VWA3A: variants seen among roughly 807,000 people sequenced by gnomAD.
The protein encoded by VWA3A is von Willebrand factor A domain containing 3A, also known as von Willebrand factor A domain-containing protein 3A.
Under a neutral mutation model 160.4 loss-of-function variants are expected in VWA3A, and 134 were observed. That is an observed-to-expected ratio of 0.84 (90% CI 0.73 to 0.96). VWA3A has a LOEUF of 0.96. VWA3A is among the 40% of genes least tolerant of loss of function. The probability of loss-of-function intolerance (pLI) is 0.00; values close to 1 mark genes in which losing one functional copy is unlikely to be tolerated. For missense variants in VWA3A, 1,310 were observed against 1,447.9 expected (o/e 0.90, Z 1.55); for synonymous variants, 476 against 543.4 (o/e 0.88, Z 1.72).
At chr16:22,111,035 A>G in intron 8 of VWA3A, 41 bp downstream of exon 8, 2 of 1,520,654 alleles carry the variant, frequency 1.3e-6, no homozygotes, top group Non-Finnish European at 1.8e-6. Flanking sequence ...TCACTTGTTC[A>G]TTTTCCTCCC....
chr16:22,149,949 G>A lies in VWA3A; in HGVS notation c.3129+18G>A. The A allele has an allele frequency of 1.3e-6, 2 of 1,589,824 alleles. No homozygotes were observed. The highest frequency in any genetic ancestry group is 1.1e-5 in the South Asian group (1 of 88,752). Reference sequence around the variant, plus strand: ...CATTGCTGGCAAGTCCCACCACGGAGCCCGACCTTGACGCAAAACAAATAC... The same window carrying A: ...CATTGCTGGCAAGTCCCACCACGGAACCCGACCTTGACGCAAAACAAATAC... On this transcript the variant is annotated intron_variant, in intron 29 of 33. Coordinates refer to ENST00000389398, the MANE Select transcript of VWA3A (RefSeq NM_173615.5).
At chr16:22,141,713 G>C (rs373411523) in intron 24 of VWA3A, 21 bp downstream of exon 24, 15 of 1,582,358 alleles carry the variant, frequency 9.5e-6, no homozygotes, top group Non-Finnish European at 1.3e-5. Flanking sequence ...GGCTATACAG[G>C]TGTCTGGACA....
intron 33 of VWA3A, 40 bp downstream of exon 33, chr16:22,155,956 A>C: frequency 1.3e-6 from 2 of 1,592,754 alleles, no homozygotes; most frequent in Non-Finnish European, 1.7e-6. Flanking sequence ...CTGAGTGTGC[A>C]CTAAGCACCA....
chr16:22,100,227 T>G lies in VWA3A; in HGVS notation c.259T>G (p.Trp87Gly). The G allele has an allele frequency of 6.4e-7, 1 of 1,550,530 alleles. No homozygotes were observed. The highest frequency in any genetic ancestry group is 8.7e-7 in the Non-Finnish European group (1 of 1,146,894). Reference protein sequence around the residue: ...LQGSETQSSDWEDSEDWLSAH... With the variant: ...LQGSETQSSDGEDSEDWLSAH... ...GGGGAGTGAGACCCAGTCTTCAGAT[T>G]GGGAGGACTCTGAAGACTGGCTTTC... Residue 87 changes from tryptophan (W) to glycine (G), a missense_variant, in exon 4 of 34, where the codon TGG becomes GGG. Coordinates refer to ENST00000389398, the MANE Select transcript of VWA3A (RefSeq NM_173615.5).
chr16:22,156,483 CTA>C lies in VWA3A; in HGVS notation c.*468_*469del, dbSNP rs1201814765. 1.3e-5 allele frequency: 2 copies of C among 152,976 alleles called. No homozygotes were observed. Among genetic ancestry groups the C allele is most frequent in the African/African-American group, 4.8e-5 (2 of 41,454 alleles). The allele number at this position is 152,976 out of a possible 1,614,324, so 9.5% of individuals were successfully genotyped here. ...ACGCAGACCTCTCGCACTCAGCACTCTATGTCACGCCACCTTGCTCGCTGATC... is the reference window on the plus strand; with the variant it reads ...ACGCAGACCTCTCGCACTCAGCACTCTGTCACGCCACCTTGCTCGCTGATC... On this transcript the variant is annotated 3_prime_UTR_variant, in exon 34 of 34. Transcript: ENST00000389398.
At chr16:22,102,510 A>G (rs2045422241) in intron 5 of VWA3A, among the ~76,000 whole-genome samples, 1 of 151,840 alleles carries the variant, frequency 6.6e-6, no homozygotes, top group East Asian at 1.9e-4. Context: ...ACCTGCCCCC[A>G]GTAAGAACAA....
chr16:22,143,988 C>T (rs915411663), intron 25 of VWA3A, among the ~76,000 whole-genome samples: 1 of 151,748 alleles, frequency 6.6e-6, no homozygotes, highest in Admixed American at 6.6e-5. Flanking sequence ...GTTTGAGAAC[C>T]ACCGCTGTCA....
intron 21 of VWA3A, among the ~76,000 whole-genome samples, chr16:22,137,505 G>A (rs997835562): frequency 6.6e-6 from 1 of 152,186 alleles, no homozygotes; most frequent in African/African-American, 2.4e-5. Flanking sequence ...AGAACCTTAA[G>A]CTCACAGAGC....
chr16:22,150,604 G>A (rs1281149054), intron 29 of VWA3A, 91 bp from the exon 30 acceptor site: 55 of 1,440,514 alleles, frequency 3.8e-5, no homozygotes, highest in Non-Finnish European at 4.8e-5. Context: ...TTTTGGCAGA[G>A]GCGGCAGCAG....
intron 17 of VWA3A, among the ~76,000 whole-genome samples, chr16:22,130,032 A>G (rs978958836): frequency 1.3e-5 from 2 of 152,190 alleles, no homozygotes; most frequent in African/African-American, 4.8e-5. Flanking sequence ...TACTAAAAAT[A>G]CAAAAATCAG....
chr16:22,141,828 C>A, intron 24 of VWA3A, 136 bp downstream of exon 24: 1 of 662,984 alleles, frequency 1.5e-6, no homozygotes, highest in Non-Finnish European at 2.5e-6. Context: ...GCAAGCCGTA[C>A]TCAACTCAGT....
chr16:22,150,806 G>A lies in VWA3A; in HGVS notation c.3241G>A (p.Asp1081Asn). The A allele has an allele frequency of 6.2e-7, 1 of 1,613,644 alleles. No homozygotes were observed. The highest frequency in any genetic ancestry group is 1.1e-5 in the South Asian group (1 of 90,952). ...NEVQKLREKR[D>N]VKVHTISLNC... ...AGTCCAAAAACTCAGGGAGAAAAGA[G>A]ATGTGAAAGTGCACACCATTTCCTT... The change falls in exon 30 of 34, where the codon GAT becomes AAT. Residue 1081 changes from aspartate (D) to asparagine (N), a missense_variant. Coordinates refer to ENST00000389398, the MANE Select transcript of VWA3A (RefSeq NM_173615.5).
At position 22,131,198 on chromosome 16, in the gene VWA3A, C is replaced by G; in HGVS notation, c.1653-7C>G. ...GCCTAAGAACGAACTCTCTTTGCTT[C>G]TTAAAGGTTTGGAAGCACAATTGAA... On this transcript the variant is annotated splice_region_variant and splice_polypyrimidine_tract_variant and intron_variant, in intron 17 of 33. Transcript: ENST00000389398. The G allele has an allele frequency of 6.2e-7, 1 of 1,613,630 alleles. No homozygotes were observed. Among genetic ancestry groups the G allele is most frequent in the Admixed American group, 1.7e-5 (1 of 60,002 alleles).
At chr16:22,097,190 C>T (rs909404656) in intron 2 of VWA3A, among the ~76,000 whole-genome samples, 4 of 152,008 alleles carry the variant, frequency 2.6e-5, no homozygotes, top group African/African-American at 9.7e-5. Context: ...TGGTCTCGAT[C>T]CCCTGACCTC....
intron 3 of VWA3A, among the ~76,000 whole-genome samples, chr16:22,099,820 A>G (rs940511001): frequency 6.6e-5 from 10 of 152,202 alleles, no homozygotes; most frequent in African/African-American, 2.4e-4. Flanking sequence ...CATGCCTGTA[A>G]TCCCAGCACT....
intron 8 of VWA3A, among the ~76,000 whole-genome samples, chr16:22,111,386 C>A (rs1878794101): frequency 6.6e-6 from 1 of 152,054 alleles, no homozygotes; most frequent in Non-Finnish European, 1.5e-5. Flanking sequence ...GTGGCACAAT[C>A]ATAGCTCATT....
Position 22,131,188 on chromosome 16 carries a change from CTCTT to C in VWA3A, c.1653-15_1653-12del, listed in dbSNP as rs1567213637. The C allele has an allele frequency of 6.2e-7, 1 of 1,612,958 alleles. No individual in the cohort carries two copies. Among genetic ancestry groups the C allele is most frequent in the Admixed American group, 1.7e-5 (1 of 59,932 alleles). Reference sequence around the variant, plus strand: ...ACCTCCCCCAGCCTAAGAACGAACTCTCTTTGCTTCTTAAAGGTTTGGAAGCACA... The same window carrying C: ...ACCTCCCCCAGCCTAAGAACGAACTCTGCTTCTTAAAGGTTTGGAAGCACA... On this transcript the variant is annotated splice_polypyrimidine_tract_variant and intron_variant, in intron 17 of 33. Coordinates refer to ENST00000389398, the MANE Select transcript of VWA3A (RefSeq NM_173615.5).
At chr16:22,141,517 A>G in intron 23 of VWA3A, 65 bp from the exon 24 acceptor site, 2 of 1,475,312 alleles carry the variant, frequency 1.4e-6, no homozygotes, top group Non-Finnish European at 1.9e-6. Flanking sequence ...CTCTAAGCCA[A>G]GCTGGACAGC....
At chr16:22,115,643 G>A (rs550337576) in intron 9 of VWA3A, among the ~76,000 whole-genome samples, 171 bp downstream of exon 9, 14 of 151,134 alleles carry the variant, frequency 9.3e-5, no homozygotes, top group African/African-American at 3.2e-4. Flanking sequence ...ACCAGTCTGG[G>A]CAACACAGTG....
Sources: allele counts gnomAD v4.1 joint callset (sites outside exome capture counted in the v4.1 genomes callset), GRCh38; gene constraint gnomAD v4.1.1; transcripts MANE v1.5; gene names NCBI Gene and HGNC (gene_info 2026-07-23, HGNC 2026-07-21).